Variants in ACTR3C observed in about 807,000 individuals in gnomAD.
ACTR3C encodes the protein actin related protein 3C, also known as actin-related protein 3C.
A neutral mutation model predicts 26.3 loss-of-function variants in ACTR3C; 18 were observed. That is an observed-to-expected ratio of 0.68 (90% CI 0.47 to 1.01). ACTR3C has a LOEUF of 1.01. Among genes scored for constraint, ACTR3C ranks in the 50% least tolerant of loss-of-function variants. The pLI, the probability that ACTR3C is intolerant of heterozygous loss-of-function variation, is 0.00. For missense variants in ACTR3C, 184 were observed against 250.7 expected (o/e 0.73, Z 1.80); for synonymous variants, 55 against 94.5 (o/e 0.58, Z 2.42).
rs777760934 is a variant in ACTR3C at position 150,274,438 on chromosome 7, C to A, written c.564+10315G>T. Among the ~76,000 whole-genome samples, 1 of 152,150 alleles carries A rather than the reference C, an allele frequency of 6.6e-6. No individual in the cohort carries two copies. Among genetic ancestry groups the A allele is most frequent in the African/African-American group, 2.4e-5 (1 of 41,422 alleles). On this transcript the variant is annotated intron_variant, in intron 6 of 7. Transcript: ENST00000683684. The surrounding 1 kb of genome is among the most constrained non-coding windows in gnomAD (Gnocchi z 4.1). ...AAACCATAATATAGTGCAAACATAG[C>A]CTTCATGTGCACCAGGAAACCAAAA...
chr7:150,064,336 C>G, the ACTR3C span, among the ~76,000 whole-genome samples: 2 of 147,310 alleles, frequency 1.4e-5, no homozygotes, highest in African/African-American at 2.5e-5. Context: ...GGGCGGATCA[C>G]CTGAAGTCAG....
chr7:150,071,841 G>A, the ACTR3C span, among the ~76,000 whole-genome samples: 1 of 150,822 alleles, frequency 6.6e-6, no homozygotes, highest in African/African-American at 2.4e-5. Context: ...AGAGGCATCA[G>A]GAATTGGATG....
chr7:149,899,025 G>C, the ACTR3C span, among the ~76,000 whole-genome samples: 1 of 151,872 alleles, frequency 6.6e-6, no homozygotes, highest in Non-Finnish European at 1.5e-5. Context: ...CTCCCCAAGT[G>C]AGTGTCAACA....
intron 6 of ACTR3C, among the ~76,000 whole-genome samples, chr7:150,279,284 A>G (rs922063821): frequency 1.3e-4 from 20 of 152,242 alleles, no homozygotes; most frequent in Admixed American, 3.3e-4. Flanking sequence ...CAGCGTGGGC[A>G]ACAGAGCAAG....
chr7:149,896,751 T>C, the ACTR3C span, among the ~76,000 whole-genome samples: 1 of 151,798 alleles, frequency 6.6e-6, no homozygotes, highest in African/African-American at 2.4e-5. Context: ...AAATAAATTA[T>C]ATCAAATCCT....
the ACTR3C span, among the ~76,000 whole-genome samples, chr7:149,905,150 A>C: frequency 6.6e-6 from 1 of 151,878 alleles, no homozygotes; most frequent in Non-Finnish European, 1.5e-5. Context: ...TCTGAGAAAA[A>C]AAATGAGTAG....
chr7:150,066,830 G>A, the ACTR3C span, among the ~76,000 whole-genome samples: 61,680 of 151,248 alleles, frequency 0.41, 12,942 homozygotes, highest in East Asian at 0.66. Flanking sequence ...CTGAAAAGTG[G>A]TTATTTGTAA....
chr7:149,989,197 G>A, the ACTR3C span, among the ~76,000 whole-genome samples: 6 of 152,156 alleles, frequency 3.9e-5, no homozygotes, highest in Non-Finnish European at 7.3e-5. Flanking sequence ...ATATATTCAT[G>A]GGGTCCATCA....
the ACTR3C span, among the ~76,000 whole-genome samples, chr7:150,041,053 G>T: frequency 7.4e-5 from 11 of 149,454 alleles, no homozygotes; most frequent in African/African-American, 2.0e-4. Flanking sequence ...TGGGTTAAAA[G>T]TCCAGCTGCC....
At chr7:150,037,832 TGC>T in the ACTR3C span, among the ~76,000 whole-genome samples, 1 of 62,482 alleles carries the variant, frequency 1.6e-5, no homozygotes, top group Non-Finnish European at 3.3e-5. Flanking sequence ...ACTCAGTCCC[TGC>T]CTCGCGGAGG....
chr7:150,277,585 C>T (rs1439122440), intron 6 of ACTR3C, among the ~76,000 whole-genome samples: 1 of 152,174 alleles, frequency 6.6e-6, no homozygotes. Context: ...AACATCTCCA[C>T]CAAACTAGAT....
chr7:150,164,725 A>G, the ACTR3C span, among the ~76,000 whole-genome samples: 1 of 151,870 alleles, frequency 6.6e-6, no homozygotes, highest in Non-Finnish European at 1.5e-5. Flanking sequence ...GAAATCAGCC[A>G]ATATTTTGTT....
intron 6 of ACTR3C, among the ~76,000 whole-genome samples, chr7:150,280,397 G>A (rs148868012): frequency 0.032 from 4,909 of 152,218 alleles, 243 homozygotes; most frequent in African/African-American, 0.11. Context: ...AATAAAAATC[G>A]GACAGATGAT....
the ACTR3C span, among the ~76,000 whole-genome samples, chr7:149,883,597 G>C: frequency 2.0e-5 from 3 of 152,362 alleles, no homozygotes; most frequent in African/African-American, 7.2e-5. Flanking sequence ...ACAGAGGGCA[G>C]CGCCTGCGTG....
chr7:149,964,532 C>G, the ACTR3C span, among the ~76,000 whole-genome samples: 2 of 152,202 alleles, frequency 1.3e-5, no homozygotes, highest in Non-Finnish European at 2.9e-5. Flanking sequence ...GCATGGGCAG[C>G]TTGCAGCGTG....
At chr7:150,094,007 G>A in the ACTR3C span, among the ~76,000 whole-genome samples, 1 of 150,502 alleles carries the variant, frequency 6.6e-6, no homozygotes, top group African/African-American at 2.5e-5. Context: ...TTCTGGTGAG[G>A]AGAGGAAGCA....
chr7:150,035,918 G>A, the ACTR3C span, among the ~76,000 whole-genome samples: 1 of 135,190 alleles, frequency 7.4e-6, no homozygotes, highest in Non-Finnish European at 1.7e-5. Context: ...CTCGCGGGGG[G>A]TGCCTCGCCC....
chr7:150,116,977 G>C, the ACTR3C span, among the ~76,000 whole-genome samples: 1 of 152,072 alleles, frequency 6.6e-6, no homozygotes, highest in Non-Finnish European at 1.5e-5. Flanking sequence ...GGAAGCACAA[G>C]GGGTCACGGA....
chr7:150,074,120 C>T, the ACTR3C span: 2 of 152,184 alleles, frequency 1.3e-5, no homozygotes, highest in Non-Finnish European at 2.9e-5. Flanking sequence ...TCCATGACCT[C>T]GTCACACTCC....
Sources: allele counts gnomAD v4.1 joint callset (sites outside exome capture counted in the v4.1 genomes callset), GRCh38; gene constraint gnomAD v4.1.1; non-coding constraint Gnocchi (gnomAD v3.1); transcripts MANE v1.5; gene names NCBI Gene and HGNC (gene_info 2026-07-23, HGNC 2026-07-21).